Variants in CNTN1 observed in about 807,000 individuals in gnomAD.
The protein encoded by CNTN1 is contactin 1.
A neutral mutation model predicts 126.4 loss-of-function variants in CNTN1; 38 were observed. The observed-to-expected ratio is 0.30, with a 90% CI of 0.23 to 0.39. CNTN1 has a LOEUF of 0.39. Ranked by LOEUF, CNTN1 falls within the 10% of genes least tolerant of loss-of-function variation. The probability of loss-of-function intolerance (pLI) is 1.00; values close to 1 mark genes in which losing one functional copy is unlikely to be tolerated. For synonymous variants in CNTN1, 413 were observed against 422.6 expected, an observed-to-expected ratio of 0.98 and a Z score of 0.28; for missense variants, 1,009 against 1,248.4, an observed-to-expected ratio of 0.81 and a Z score of 2.89.
chr12:40,855,333 C>T (rs1942866512), intron 1 of CNTN1, among the ~76,000 whole-genome samples: 1 of 151,908 alleles, frequency 6.6e-6, no homozygotes. Context: ...TGTTGTATTA[C>T]TCTTAATAGT....
chr12:40,955,308 C>A (rs1353221173), intron 14 of CNTN1, among the ~76,000 whole-genome samples: 1 of 152,048 alleles, frequency 6.6e-6, no homozygotes, highest in Non-Finnish European at 1.5e-5. Flanking sequence ...TTGGGCAAGG[C>A]TAAACTCTTT....
At chr12:40,920,863 A>G (rs1372955169) in intron 4 of CNTN1, among the ~76,000 whole-genome samples, 1 of 152,250 alleles carries the variant, frequency 6.6e-6, no homozygotes, top group Admixed American at 6.5e-5. Context: ...AACTTCTTCA[A>G]AGACAGAAAA....
Position 40,929,963 on chromosome 12 carries a change from G to A in CNTN1, c.664G>A (p.Val222Met), listed in dbSNP as rs745456807. The A allele has an allele frequency of 3.7e-6, 6 of 1,612,666 alleles. No individual in the cohort carries two copies. The highest frequency in any genetic ancestry group is 4.2e-6 in the Non-Finnish European group (5 of 1,178,958). ...FVSSPSITKS[V>M]FSKFIPLIPI... ...TTCCAGTCCTTCTATTACAAAGAGC[G>A]TGTTCAGCAAATTCATCCCACTCAT... is the stretch of plus-strand genomic sequence containing the variant. The change falls in exon 7 of 24, where the codon GTG (valine) becomes ATG (methionine). Residue 222 changes from valine (V) to methionine (M), a missense_variant. Coordinates refer to ENST00000551295, the MANE Select transcript of CNTN1 (RefSeq NM_001843.4).
At chr12:41,002,010 G>GT (rs1307285167) in intron 17 of CNTN1, among the ~76,000 whole-genome samples, 5 of 151,934 alleles carry the variant, frequency 3.3e-5, no homozygotes, top group Admixed American at 2.6e-4. Flanking sequence ...CCAGTACCAT[G>GT]TTTTTTTTGA....
chr12:40,782,741 C>G (rs1939852583), intron 1 of CNTN1, among the ~76,000 whole-genome samples: 1 of 151,962 alleles, frequency 6.6e-6, no homozygotes, highest in Non-Finnish European at 1.5e-5. Flanking sequence ...CCAGTATTCT[C>G]TACCTGAAAA....
intron 1 of CNTN1, among the ~76,000 whole-genome samples, chr12:40,709,974 A>G (rs1253693191): frequency 6.6e-6 from 1 of 152,038 alleles, no homozygotes; most frequent in Non-Finnish European, 1.5e-5. Context: ...TTTCCTTTAT[A>G]TTCACAACTT....
chr12:40,949,899 G>T (rs1193173487), intron 14 of CNTN1, among the ~76,000 whole-genome samples: 2 of 150,674 alleles, frequency 1.3e-5, no homozygotes, highest in African/African-American at 2.4e-5. Flanking sequence ...GAACAAGAAG[G>T]TTAAGATTAT....
At chr12:40,723,423 T>G (rs74378389) in intron 1 of CNTN1, among the ~76,000 whole-genome samples, 2 of 152,196 alleles carry the variant, frequency 1.3e-5, no homozygotes, top group East Asian at 3.9e-4. Flanking sequence ...CTCATGAGAC[T>G]TCCAGATTGA....
chr12:40,877,723 G>A (rs1424824335), intron 1 of CNTN1, among the ~76,000 whole-genome samples: 1 of 152,124 alleles, frequency 6.6e-6, no homozygotes, highest in Non-Finnish European at 1.5e-5. Flanking sequence ...ATTCCAAAAT[G>A]CTTGTTACTT....
intron 15 of CNTN1, among the ~76,000 whole-genome samples, chr12:40,962,279 G>C (rs1003840350): frequency 6.6e-6 from 1 of 151,982 alleles, no homozygotes; most frequent in African/African-American, 2.4e-5. Context: ...ATGTGTGCAC[G>C]CATTTGTAAT....
intron 23 of CNTN1, among the ~76,000 whole-genome samples, chr12:41,067,863 T>C (rs1366969744): frequency 6.6e-6 from 1 of 152,182 alleles, no homozygotes; most frequent in East Asian, 1.9e-4. Context: ...TTGGGCATCT[T>C]ATCAGAATAA....
chr12:40,993,408 A>C, intron 17 of CNTN1, 139 bp downstream of exon 17: 2 of 688,320 alleles, frequency 2.9e-6, no homozygotes, highest in Non-Finnish European at 4.9e-6. Flanking sequence ...TTTCACTATC[A>C]AGACAGTCAA....
At chr12:41,018,714 A>G (rs112992649) in intron 19 of CNTN1, among the ~76,000 whole-genome samples, 154 of 130,450 alleles carry the variant, frequency 1.2e-3, no homozygotes, top group Non-Finnish European at 2.1e-3. Context: ...GTGTGTGTGT[A>G]TGTGTATGTG....
At chr12:40,852,873 T>G (rs1942770070) in intron 1 of CNTN1, among the ~76,000 whole-genome samples, 1 of 149,176 alleles carries the variant, frequency 6.7e-6, no homozygotes, top group Non-Finnish European at 1.5e-5. Context: ...TTTCAAGAAA[T>G]AATCCTTATT....
At chr12:40,996,422 G>C (rs78101271) in intron 17 of CNTN1, among the ~76,000 whole-genome samples, 1,887 of 152,218 alleles carry the variant, frequency 0.012, 22 homozygotes, top group Non-Finnish European at 0.02. Context: ...ATGAGCCACC[G>C]GGTCTGGCCT....
At chr12:40,847,514 G>A (rs1308323803) in intron 1 of CNTN1, among the ~76,000 whole-genome samples, 1 of 151,660 alleles carries the variant, frequency 6.6e-6, no homozygotes, top group Non-Finnish European at 1.5e-5. Flanking sequence ...TATATTTCAG[G>A]GGAAAAAAAC....
At chr12:40,791,987 T>A (rs1269063488) in intron 1 of CNTN1, among the ~76,000 whole-genome samples, 1 of 152,128 alleles carries the variant, frequency 6.6e-6, no homozygotes, top group African/African-American at 2.4e-5. Flanking sequence ...AAGAACACAA[T>A]GTTGTTCTAT....
intron 12 of CNTN1, 57 bp downstream of exon 12, chr12:40,939,542 T>A: frequency 6.3e-7 from 1 of 1,583,518 alleles, no homozygotes; most frequent in South Asian, 1.1e-5. Flanking sequence ...GTTTATTTTA[T>A]AGAAGACTTG....
At chr12:40,777,832 C>A (rs542484859) in intron 1 of CNTN1, among the ~76,000 whole-genome samples, 2 of 151,824 alleles carry the variant, frequency 1.3e-5, no homozygotes, top group Admixed American at 6.6e-5. Flanking sequence ...TCACCTATGG[C>A]ATGATTAATA....
Sources: allele counts gnomAD v4.1 joint callset (sites outside exome capture counted in the v4.1 genomes callset), GRCh38; gene constraint gnomAD v4.1.1; transcripts MANE v1.5; gene names NCBI Gene and HGNC (gene_info 2026-07-23, HGNC 2026-07-21).